Variants in STK3 observed in about 807,000 individuals in gnomAD.
The protein encoded by STK3 is serine/threonine kinase 3.
Under a neutral mutation model 58.0 loss-of-function variants are expected in STK3, and 41 were observed. That is an observed-to-expected ratio of 0.71 (90% confidence interval 0.55 to 0.92). STK3 has a LOEUF of 0.92. Among genes scored for constraint, STK3 ranks in the 40% least tolerant of loss-of-function variants. STK3 has a pLI of 0.00. For missense variants in STK3, 479 were observed against 602.7 expected, an observed-to-expected ratio of 0.79 and a Z score of 2.15; for synonymous variants, 170 against 191.0, an observed-to-expected ratio of 0.89 and a Z score of 0.91.
intron 10 of STK3, among the ~76,000 whole-genome samples, chr8:98,525,898 A>T (rs1335553192): frequency 1.3e-5 from 2 of 151,912 alleles, no homozygotes; most frequent in African/African-American, 4.8e-5. Flanking sequence ...AAAAATGTAC[A>T]TATTTATATT....
intron 6 of STK3, among the ~76,000 whole-genome samples, chr8:98,648,276 A>T (rs1484277370): frequency 6.6e-6 from 1 of 152,222 alleles, no homozygotes; most frequent in Non-Finnish European, 1.5e-5. Context: ...ATATAACTAC[A>T]TTAATTGGTA....
At chr8:98,666,779 A>G (rs753218047) in intron 6 of STK3, among the ~76,000 whole-genome samples, 1 of 152,196 alleles carries the variant, frequency 6.6e-6, no homozygotes, top group African/African-American at 2.4e-5. Context: ...CTAAGTCTCA[A>G]TTATTCACAA....
rs543335636 is a variant in STK3 at position 98,566,633 on chromosome 8, A to G, written c.948+13031T>C. 8.5e-5 allele frequency among the ~76,000 whole-genome samples: 13 copies of G among 152,280 alleles called. No homozygotes were observed. The South Asian group carries it at 2.5e-3, about 29-fold the overall frequency. ...TGAAATTTTTCAATGGTCCAATGCT[A>G]AACTTGCTCTGTGTCATTATTTGCT... is the stretch of plus-strand genomic sequence containing the variant. On this transcript the variant is annotated intron_variant, in intron 8 of 10. Transcript: ENST00000419617.
At chr8:98,857,162 G>A (rs147380263) in intron 3 of STK3, among the ~76,000 whole-genome samples, 90 of 152,270 alleles carry the variant, frequency 5.9e-4, no homozygotes, top group East Asian at 2.9e-3. Context: ...ATTTGTGAAC[G>A]TACTAAAGGC....
At chr8:98,547,294 G>A (rs1206027044) in intron 9 of STK3, among the ~76,000 whole-genome samples, 2 of 152,176 alleles carry the variant, frequency 1.3e-5, no homozygotes, top group East Asian at 3.9e-4. Context: ...AATGACCTAC[G>A]ATGTTAACTG....
chr8:98,788,741 T>C (rs1026501607), intron 1 of STK3, among the ~76,000 whole-genome samples: 5 of 152,124 alleles, frequency 3.3e-5, no homozygotes, highest in Non-Finnish European at 7.4e-5. Context: ...TATATGCACC[T>C]AACACTGGAG....
At chr8:98,724,687 G>A (rs1287687275) in intron 4 of STK3, among the ~76,000 whole-genome samples, 3 of 152,140 alleles carry the variant, frequency 2.0e-5, no homozygotes, top group African/African-American at 7.2e-5. Flanking sequence ...AGTAGTAGTA[G>A]GAGTAATAGT....
At chr8:98,924,472 T>C (rs888821500) in intron 1 of STK3, among the ~76,000 whole-genome samples, 15 of 152,206 alleles carry the variant, frequency 9.9e-5, no homozygotes, top group Non-Finnish European at 2.2e-4. Context: ...ATACTTTCCC[T>C]CTTTCAAAGG....
intron 1 of STK3, chr8:98,889,671 A>AACGAATGC (rs1319392968): frequency 6.6e-6 from 1 of 152,204 alleles, no homozygotes; most frequent in Non-Finnish European, 1.5e-5. Flanking sequence ...TTTTACCCTC[A>AACGAATGC]ACGAATGCAT....
intron 6 of STK3, among the ~76,000 whole-genome samples, chr8:98,614,482 C>G (rs986673135): frequency 6.6e-6 from 1 of 152,120 alleles, no homozygotes; most frequent in Non-Finnish European, 1.5e-5. Flanking sequence ...GGAACAGCTC[C>G]GGTCTACAGC....
chr8:98,453,579 A>C (rs1819300617), downstream of STK3, among the ~76,000 whole-genome samples: 1 of 152,218 alleles, frequency 6.6e-6, no homozygotes, highest in African/African-American at 2.4e-5. Flanking sequence ...ATTTGTGTAC[A>C]TACACTTAAA....
chr8:98,859,154 G>A (rs1836830536), intron 3 of STK3, among the ~76,000 whole-genome samples: 1 of 152,166 alleles, frequency 6.6e-6, no homozygotes, highest in African/African-American at 2.4e-5. Flanking sequence ...GTTAGCCTAG[G>A]GTTTCACTAT....
chr8:98,642,334 A>T (rs1007291333), intron 6 of STK3, among the ~76,000 whole-genome samples: 21 of 151,456 alleles, frequency 1.4e-4, no homozygotes, highest in African/African-American at 5.1e-4. Context: ...AAATATTTTC[A>T]ATAATAATAT....
At chr8:98,457,851 C>T (rs1329434503) in intron 10 of STK3, among the ~76,000 whole-genome samples, 3 of 152,102 alleles carry the variant, frequency 2.0e-5, no homozygotes, top group Admixed American at 1.3e-4. Context: ...CTGGGGCAAA[C>T]TGCCAATAGG....
chr8:98,507,544 C>T (rs999549779), intron 10 of STK3, among the ~76,000 whole-genome samples: 2 of 152,172 alleles, frequency 1.3e-5, no homozygotes, highest in Non-Finnish European at 2.9e-5. Flanking sequence ...TTTTTAAAGT[C>T]AGTCAGTTAG....
intron 1 of STK3, among the ~76,000 whole-genome samples, chr8:98,921,779 C>G (rs939634097): frequency 6.6e-6 from 1 of 152,156 alleles, no homozygotes; most frequent in African/African-American, 2.4e-5. Flanking sequence ...GCAACCCCCA[C>G]CTCCCGGGTT....
Position 98,924,129 on chromosome 8 carries a change from C to T in STK3, c.-79+18249G>A, listed in dbSNP as rs182202031. On this transcript the variant is annotated intron_variant, in intron 1 of 1. Transcript: ENST00000519420. Reference sequence around the variant, plus strand: ...CAGAGAAGCATGAAGACAAAGATTCCGTTTTTGTCCCTGAAAATTTTGTGG... The same window carrying T: ...CAGAGAAGCATGAAGACAAAGATTCTGTTTTTGTCCCTGAAAATTTTGTGG... Among the ~76,000 whole-genome samples, 124 of 152,248 alleles carry T rather than the reference C, an allele frequency of 8.1e-4. 1 individual carries two copies. Among genetic ancestry groups the T allele is most frequent in the East Asian group, 7.3e-3 (38 of 5,174 alleles).
At chr8:98,711,720 A>G (rs1826466736) in intron 4 of STK3, among the ~76,000 whole-genome samples, 1 of 152,234 alleles carries the variant, frequency 6.6e-6, no homozygotes, top group South Asian at 2.1e-4. Context: ...GCAGGATATC[A>G]TCCAGGAGAA....
At chr8:98,597,819 T>C (rs1815959270) in intron 6 of STK3, 2 of 983,318 alleles carry the variant, frequency 2.0e-6, no homozygotes, top group Non-Finnish European at 2.4e-6. Flanking sequence ...AGTCAACTTG[T>C]GCAGAAAAAA....
Sources: allele counts gnomAD v4.1 joint callset (sites outside exome capture counted in the v4.1 genomes callset), GRCh38; gene constraint gnomAD v4.1.1; transcripts MANE v1.5; gene names NCBI Gene and HGNC (gene_info 2026-07-23, HGNC 2026-07-21).